Variants in NANOS3 observed in about 807,000 individuals in gnomAD.
The protein encoded by NANOS3 is nanos C2HC-type zinc finger 3.
In NANOS3, 11 loss-of-function variants were observed where a neutral mutation model predicts 13.8. That is an observed-to-expected ratio of 0.80 (90% CI 0.50 to 1.32). NANOS3 has a LOEUF of 1.32. Ranked by LOEUF, NANOS3 falls within the 40% of genes most tolerant of loss-of-function variation. The pLI is 0.00. For synonymous variants in NANOS3, 119 were observed against 115.4 expected (o/e 1.03, Z -0.20); for missense variants, 221 against 263.8 (o/e 0.84, Z 1.12).
upstream of NANOS3, among the ~76,000 whole-genome samples, chr19:13,876,033 G>A (rs1568365135): frequency 6.6e-6 from 1 of 152,148 alleles, no homozygotes; most frequent in African/African-American, 2.4e-5. Context: ...CAACTCCAGA[G>A]GGTTCTTTCT....
chr19:13,875,486 C>T (rs1968491807), upstream of NANOS3, among the ~76,000 whole-genome samples: 2 of 151,980 alleles, frequency 1.3e-5, no homozygotes, highest in African/African-American at 4.8e-5. Flanking sequence ...TTTGCCTGGC[C>T]TAAAACCCCT....
chr19:13,880,068 A>AGTG (rs1351809949), intron 1 of NANOS3, among the ~76,000 whole-genome samples: 3 of 150,906 alleles, frequency 2.0e-5, no homozygotes, highest in Non-Finnish European at 2.9e-5. Context: ...AGGAGAAGAT[A>AGTG]GTGTTTCCTG....
Position 13,877,226 on chromosome 19 carries a change from C to T in NANOS3, c.-23C>T, listed in dbSNP as rs897790. 353,300 of 1,582,276 alleles carry T rather than the reference C, an allele frequency of 0.22. 40,565 individuals are homozygous for T. Among genetic ancestry groups the T allele is most frequent in the East Asian group, 0.29 (12,835 of 44,384 alleles). On this transcript the variant is annotated 5_prime_UTR_variant, in exon 1 of 2. Coordinates refer to ENST00000339133, the MANE Select transcript of NANOS3 (RefSeq NM_001098622.3). Reference sequence around the variant, plus strand: ...GGTTACTTGTCTCTGTGACTCCTTCCGCCTGGCACATGCTGCCCAGCTATG... The same window carrying T: ...GGTTACTTGTCTCTGTGACTCCTTCTGCCTGGCACATGCTGCCCAGCTATG...
chr19:13,862,472 C>G (rs185920428), upstream of NANOS3, among the ~76,000 whole-genome samples: 4 of 151,910 alleles, frequency 2.6e-5, no homozygotes, highest in Admixed American at 2.6e-4. Flanking sequence ...GACAGCTGGC[C>G]GGTCCTGGAG....
chr19:13,866,005 C>G (rs923769001), intron 1 of NANOS3, among the ~76,000 whole-genome samples: 1 of 151,942 alleles, frequency 6.6e-6, no homozygotes, highest in South Asian at 2.1e-4. Flanking sequence ...CTGGCGGGGG[C>G]CCCGCTCAGG....
At chr19:13,872,555 C>T (rs927146783), upstream of NANOS3, among the ~76,000 whole-genome samples, 2 of 152,148 alleles carry the variant, frequency 1.3e-5, no homozygotes, top group Admixed American at 6.5e-5. Context: ...CTGCTCACAG[C>T]GTGATGAATG....
At chr19:13,866,803 C>G (rs1032549971) in intron 1 of NANOS3, among the ~76,000 whole-genome samples, 8 of 152,134 alleles carry the variant, frequency 5.3e-5, no homozygotes, top group African/African-American at 1.9e-4. Context: ...CTGGGACACA[C>G]ACAGACATCC....
At chr19:13,874,917 A>G (rs1431525802), upstream of NANOS3, 1 of 528,948 alleles carries the variant, frequency 1.9e-6, no homozygotes, top group South Asian at 1.4e-5. Flanking sequence ...ATCAACATTC[A>G]TTGTTGTCGG....
At chr19:13,879,225 C>A (rs1055424969) in intron 1 of NANOS3, among the ~76,000 whole-genome samples, 1 of 152,160 alleles carries the variant, frequency 6.6e-6, no homozygotes, top group Non-Finnish European at 1.5e-5. Flanking sequence ...AGGCTTGAGC[C>A]ACCATGCCTG....
upstream of NANOS3, among the ~76,000 whole-genome samples, chr19:13,865,199 C>T (rs1435570783): frequency 6.8e-6 from 1 of 148,096 alleles, no homozygotes; most frequent in African/African-American, 2.5e-5. Flanking sequence ...GCGGCGGCAG[C>T]GGGGAGCGCG....
intron 1 of NANOS3, among the ~76,000 whole-genome samples, chr19:13,869,772 A>ACG (rs1405754129): frequency 1.3e-5 from 2 of 148,916 alleles, no homozygotes; most frequent in South Asian, 2.1e-4. Flanking sequence ...ACACACACGC[A>ACG]CGCACACACA....
chr19:13,862,608 G>A (rs893444926), upstream of NANOS3, among the ~76,000 whole-genome samples: 16 of 151,572 alleles, frequency 1.1e-4, no homozygotes, highest in African/African-American at 3.6e-4. Context: ...GCACAATCTC[G>A]GCTCACTGCA....
chr19:13,870,885 C>T (rs962142602), intron 1 of NANOS3, among the ~76,000 whole-genome samples: 5 of 151,950 alleles, frequency 3.3e-5, no homozygotes, highest in South Asian at 2.1e-4. Context: ...CGGCTCATAA[C>T]GTGGCTTTTA....
chr19:13,877,258 T>G lies in NANOS3; in HGVS notation c.10T>G (p.Phe4Val). MGT[F>V]DLWTDYLGLA... ...CACATGCTGCCCAGCTATGGGGACC[T>G]TTGACCTGTGGACAGATTACCTGGG... Residue 4 changes from phenylalanine (F) to valine (V), a missense_variant, in exon 1 of 2, where the codon TTT (phenylalanine) becomes GTT (valine). Around this residue, in one of 3 missense-constraint regions of NANOS3, gnomAD observed 112 missense variants for 116.3 expected, o/e 0.96. Transcript: ENST00000339133. 1 of 1,608,766 alleles carries G rather than the reference T, an allele frequency of 6.2e-7. No homozygotes were observed. Among genetic ancestry groups the G allele is most frequent in the East Asian group, 2.2e-5 (1 of 44,752 alleles).
At chr19:13,866,981 G>C (rs1218953029) in intron 1 of NANOS3, among the ~76,000 whole-genome samples, 1 of 152,106 alleles carries the variant, frequency 6.6e-6, no homozygotes, top group East Asian at 1.9e-4. Flanking sequence ...TATTTATTTT[G>C]AGATGGAGTC....
upstream of NANOS3, among the ~76,000 whole-genome samples, chr19:13,864,312 C>T (rs1976198930): frequency 1.3e-5 from 2 of 152,052 alleles, no homozygotes; most frequent in African/African-American, 2.4e-5. Context: ...GTGCACCTGG[C>T]CTGTATATAT....
upstream of NANOS3, chr19:13,862,314 T>A (rs1395418346): frequency 6.6e-6 from 1 of 151,008 alleles, no homozygotes; most frequent in African/African-American, 2.4e-5. Flanking sequence ...CCAGGCAGAG[T>A]CCTCAGCTAC....
intron 1 of NANOS3, among the ~76,000 whole-genome samples, chr19:13,867,836 G>A (rs1976265381): frequency 6.6e-6 from 1 of 152,108 alleles, no homozygotes; most frequent in Non-Finnish European, 1.5e-5. Context: ...AAAGATATAT[G>A]AGCACGAACC....
intron 1 of NANOS3, among the ~76,000 whole-genome samples, chr19:13,870,685 A>AG (rs1568362970): frequency 6.8e-6 from 1 of 147,394 alleles, no homozygotes; most frequent in African/African-American, 2.5e-5. Context: ...CTCGTGCCTC[A>AG]GCCTCCCAAG....
Sources: allele counts gnomAD v4.1 joint callset (sites outside exome capture counted in the v4.1 genomes callset), GRCh38; gene constraint gnomAD v4.1.1; regional missense constraint gnomAD v4.1.1; transcripts MANE v1.5; gene names NCBI Gene and HGNC (gene_info 2026-07-23, HGNC 2026-07-21).